The following ESRP2 variants were observed in gnomAD, a reference collection of about 807,000 sequenced individuals.
The protein encoded by ESRP2 is epithelial splicing regulatory protein 2, also known as RNA binding motif protein 35A.
A neutral mutation model predicts 78.6 loss-of-function variants in ESRP2; 48 were observed. The observed-to-expected ratio is 0.61, with a 90% CI of 0.48 to 0.78. ESRP2 has a LOEUF of 0.78. Ranked by LOEUF, ESRP2 falls within the 30% of genes least tolerant of loss-of-function variation. The pLI is 0.00. For synonymous variants in ESRP2, 383 were observed against 406.7 expected (o/e 0.94, Z 0.70); for missense variants, 863 against 965.9 (o/e 0.89, Z 1.41).
At position 68,231,167 on chromosome 16, in the gene ESRP2, A is replaced by C; in HGVS notation, c.1711+11T>G. Reference sequence around the variant, plus strand: ...CAGGCCTCCTCCTCCCCTAGCCCCTAGGGCACTCACAGGGCAGCTTGCAGG... The same window carrying C: ...CAGGCCTCCTCCTCCCCTAGCCCCTCGGGCACTCACAGGGCAGCTTGCAGG... On this transcript the variant is annotated intron_variant, in intron 12 of 14. Transcript: ENST00000473183. This position sits in a 1 kb window ranked among gnomAD's most constrained non-coding sequence, Gnocchi z 6.0. 2.5e-6 allele frequency: 4 copies of C among 1,612,822 alleles called. No individual in the cohort carries two copies. The highest frequency in any genetic ancestry group is 3.4e-6 in the Non-Finnish European group (4 of 1,179,818).
In ESRP2 at chr16:68,232,559, C is replaced by CCAGCCTGCCA; in HGVS notation, c.821+17_821+18insTGGCAGGCTG. The CCAGCCTGCCA allele has an allele frequency of 1.9e-6, 3 of 1,614,176 alleles. No homozygotes were observed. The African/African-American group carries it at 4.0e-5, about 22-fold the overall frequency. On this transcript the variant is annotated intron_variant, in intron 7 of 14. Transcript: ENST00000473183. The surrounding 1 kb of genome is among the most constrained non-coding windows in gnomAD (Gnocchi z 5.2). ...GGTAGGCCTGTCCAATTGGGCCCAC[C>CCAGCCTGCCA]CACCCTGCCACACCCACCTGGCCAC... is the stretch of plus-strand genomic sequence containing the variant.
rs760300022 is a variant in ESRP2 at position 68,231,212 on chromosome 16, G to T, written c.1677C>A (p.Arg559=). 6.2e-7 allele frequency: 1 copy of T among 1,613,610 alleles called. No individual in the cohort carries two copies. The change falls in exon 12 of 15, where the codon CGC becomes CGA. Residue 559 remains arginine (R), a synonymous_variant. Coordinates refer to ENST00000473183, the MANE Select transcript of ESRP2 (RefSeq NM_024939.3). This position sits in a 1 kb window ranked among gnomAD's most constrained non-coding sequence, Gnocchi z 6.0. ...SRVLMGGTLG[R]SGMSPPPCKL... ...TGCAGGGTGGAGGGGACATGCCACT[G>T]CGGCCCAAGGTGCCCCCCATCAGCA...
rs373317555 is a variant in ESRP2 at position 68,231,772 on chromosome 16, A to C, written c.1299+30T>G. 2.5e-6 allele frequency: 4 copies of C among 1,603,072 alleles called. No homozygotes were observed. The highest frequency in any genetic ancestry group is 2.6e-6 in the Non-Finnish European group (3 of 1,172,132). On this transcript the variant is annotated intron_variant, in intron 10 of 14. Coordinates refer to ENST00000473183, the MANE Select transcript of ESRP2 (RefSeq NM_024939.3). This position sits in a 1 kb window ranked among gnomAD's most constrained non-coding sequence, Gnocchi z 6.0. ...GAGGGCCGCCCTGGAGTAACAGTAC[A>C]TCTGGGGGTGGGGAGCCCTGGGCGC...
chr16:68,235,043 TC>T lies in ESRP2; in HGVS notation c.327+590del. ...ACAGCAATGGAAACCACCTCCCACTTCAGCTAGGGCAGGAGGCACCCCAGGC... is the reference window on the plus strand; with the variant it reads ...ACAGCAATGGAAACCACCTCCCACTTAGCTAGGGCAGGAGGCACCCCAGGC... On this transcript the variant is annotated intron_variant, in intron 2 of 14. Coordinates refer to ENST00000473183, the MANE Select transcript of ESRP2 (RefSeq NM_024939.3). The surrounding 1 kb of genome is among the most constrained non-coding windows in gnomAD (Gnocchi z 5.5). 1.2e-6 allele frequency: 1 copy of T among 823,682 alleles called. No individual in the cohort carries two copies. The highest frequency in any genetic ancestry group is 1.5e-6 in the Non-Finnish European group (1 of 682,322). 51.0% of individuals were successfully genotyped at this position (823,682 alleles called of 1,614,324 possible).
chr16:68,231,387 C>T lies in ESRP2; in HGVS notation c.1513-11G>A. 1 of 1,614,068 alleles carries T rather than the reference C, an allele frequency of 6.2e-7. No individual in the cohort carries two copies. The highest frequency in any genetic ancestry group is 1.1e-5 in the South Asian group (1 of 91,082). On this transcript the variant is annotated splice_polypyrimidine_tract_variant and intron_variant, in intron 11 of 14. Transcript: ENST00000473183. The surrounding 1 kb of genome is among the most constrained non-coding windows in gnomAD (Gnocchi z 6.0). ...GCCCGATGGCCGGCCCTGTGCACAC[C>T]ATCTTGTGAGCAGTTTGTCATGTGT... is the stretch of plus-strand genomic sequence containing the variant.
chr16:68,236,084 C>G lies in ESRP2; in HGVS notation c.-39G>C. 7.2e-7 allele frequency: 1 copy of G among 1,392,588 alleles called. No individual in the cohort carries two copies. The highest frequency in any genetic ancestry group is 1.6e-5 in the South Asian group (1 of 61,428). The allele number at this position is 1,392,588 out of a possible 1,614,324, so 86.3% of individuals were successfully genotyped here. A position where few individuals can be genotyped will look rare whatever the true frequency, so the allele number is the denominator to read the frequency against. On this transcript the variant is annotated 5_prime_UTR_variant, in exon 1 of 15. Coordinates refer to ENST00000473183, the MANE Select transcript of ESRP2 (RefSeq NM_024939.3). This position sits in a 1 kb window ranked among gnomAD's most constrained non-coding sequence, Gnocchi z 5.2. The stretch of plus-strand genomic sequence containing the variant: ...GGGGGCTCTCGGCCAGACACGCGGA[C>G]CGACGAGGCGCACGCACGCACCGAC...
intron 13 of ESRP2, 82 bp downstream of exon 13, chr16:68,230,759 T>G: frequency 6.4e-7 from 1 of 1,566,830 alleles, no homozygotes; most frequent in East Asian, 2.2e-5. Context: ...GGAGGAGTTA[T>G]CTGGTCCAGA....
In ESRP2 at chr16:68,232,657, A is replaced by G. The variant is rs753528613; in HGVS notation, c.741T>C (p.Thr247=). The change falls in exon 7 of 15, where the codon ACT becomes ACC. Residue 247 remains threonine, a synonymous_variant. Coordinates refer to ENST00000473183, the MANE Select transcript of ESRP2 (RefSeq NM_024939.3). This position sits in a 1 kb window ranked among gnomAD's most constrained non-coding sequence, Gnocchi z 5.2. ...CSKADVVDSE[T]VVRARGLPWQ... ...ACGGCAACCCACGAGCCCGTACCAC[A>G]GTCTCACTGTCCACCACATCAGCCT... The G allele has an allele frequency of 6.2e-7, 1 of 1,614,172 alleles. No individual in the cohort carries two copies. Among genetic ancestry groups the G allele is most frequent in the South Asian group, 1.1e-5 (1 of 91,078 alleles).
Position 68,235,082 on chromosome 16 carries a change from C to CA in ESRP2, c.327+551dup, listed in dbSNP as rs1945263445. The CA allele has an allele frequency of 2.0e-6, 2 of 980,772 alleles. No homozygotes were observed. Among genetic ancestry groups the CA allele is most frequent in the South Asian group, 9.4e-5 (2 of 21,382 alleles). The allele number at this position is 980,772 out of a possible 1,614,324, so 60.8% of individuals were successfully genotyped here. A position where few individuals can be genotyped will look rare whatever the true frequency, so the allele number is the denominator to read the frequency against. The stretch of plus-strand genomic sequence containing the variant: ...AGGCACCCCAGGCCTTTGCACTCAG[C>CA]AGGCAGATAGTCCCCCAGGCCAGGC... On this transcript the variant is annotated intron_variant, in intron 2 of 14. Transcript: ENST00000473183. The surrounding 1 kb of genome is among the most constrained non-coding windows in gnomAD (Gnocchi z 5.5).
chr16:68,234,365 C>CGT, intron 2 of ESRP2: 1 of 483,582 alleles, frequency 2.1e-6, no homozygotes, highest in Non-Finnish European at 3.7e-6. Flanking sequence ...CCTCAACACA[C>CGT]ACACTCCAGG....
Position 68,231,433 on chromosome 16 carries a change from A to C in ESRP2, c.1512+49T>G. On this transcript the variant is annotated intron_variant, in intron 11 of 14. Coordinates refer to ENST00000473183, the MANE Select transcript of ESRP2 (RefSeq NM_024939.3). This position sits in a 1 kb window ranked among gnomAD's most constrained non-coding sequence, Gnocchi z 6.0. ...TGTGTAAGAGTGCCTTACCCCTAAC[A>C]CACACCCCTTCCTATTTATGTGTTC... 2 of 1,613,650 alleles carry C rather than the reference A, an allele frequency of 1.2e-6. No homozygotes were observed. Among genetic ancestry groups the C allele is most frequent in the Non-Finnish European group, 1.7e-6 (2 of 1,179,768 alleles).
In ESRP2 at chr16:68,232,760, C is replaced by T; in HGVS notation, c.710+1G>A. The T allele has an allele frequency of 6.2e-7, 1 of 1,614,260 alleles. No individual in the cohort carries two copies. Among genetic ancestry groups the T allele is most frequent in the Non-Finnish European group, 8.5e-7 (1 of 1,180,038 alleles). On this transcript the variant is annotated splice_donor_variant, in intron 6 of 14. Coordinates refer to ENST00000473183, the MANE Select transcript of ESRP2 (RefSeq NM_024939.3). LOFTEE classifies it high-confidence loss of function. The surrounding 1 kb of genome is among the most constrained non-coding windows in gnomAD (Gnocchi z 5.2). The stretch of plus-strand genomic sequence containing the variant: ...CCCCCAGCCCCTGCTCCCACACTCA[C>T]CAAGGCCCCGTCTCGTATTTCTGCT...
At chr16:68,233,640 TAC>T in intron 4 of ESRP2, 126 bp downstream of exon 4, 1 of 774,984 alleles carries the variant, frequency 1.3e-6, no homozygotes, top group East Asian at 2.5e-5. Context: ...GAAGACACAG[TAC>T]ACTCAGGGAC....
At position 68,231,621 on chromosome 16, in the gene ESRP2, A is replaced by G; in HGVS notation, c.1373T>C (p.Leu458Pro). The change falls in exon 11 of 15, where the codon CTG becomes CCG. Residue 458 changes from leucine (L) to proline (P), a missense_variant. Leu to Pro is a moderately conservative substitution (Grantham distance 98, BLOSUM62 -3). Transcript: ENST00000473183. The surrounding 1 kb of genome is among the most constrained non-coding windows in gnomAD (Gnocchi z 6.0). The part of the protein sequence containing the change: ...TAPLLPIPFP[L>P]APGTGRDCVR... ...ACAGTCCCTCCCAGTCCCAGGTGCC[A>G]GTGGGAAGGGGATGGGCAGCAGTGG... is the stretch of plus-strand genomic sequence containing the variant. 6.2e-7 allele frequency: 1 copy of G among 1,613,976 alleles called. No homozygotes were observed. Among genetic ancestry groups the G allele is most frequent in the Non-Finnish European group, 8.5e-7 (1 of 1,179,946 alleles).
chr16:68,232,935 A>T lies in ESRP2; in HGVS notation c.656-120T>A. On this transcript the variant is annotated intron_variant, in intron 5 of 14. Coordinates refer to ENST00000473183, the MANE Select transcript of ESRP2 (RefSeq NM_024939.3). The surrounding 1 kb of genome is among the most constrained non-coding windows in gnomAD (Gnocchi z 5.2). The stretch of plus-strand genomic sequence containing the variant: ...AATGACAGGCCGAGCACAGTGGCTC[A>T]CGCCTATAATCCCAGCACTTTGGGA... 7.1e-7 allele frequency: 1 copy of T among 1,411,836 alleles called. No individual in the cohort carries two copies. Among genetic ancestry groups the T allele is most frequent in the Non-Finnish European group, 9.8e-7 (1 of 1,019,898 alleles). 87.5% of individuals were successfully genotyped at this position (1,411,836 alleles called of 1,614,324 possible). A position where few individuals can be genotyped will look rare whatever the true frequency, so the allele number is the denominator to read the frequency against.
At position 68,232,901 on chromosome 16, in the gene ESRP2, A is replaced by G; in HGVS notation, c.656-86T>C. The G allele has an allele frequency of 1.3e-6, 2 of 1,585,696 alleles. No homozygotes were observed. The highest frequency in any genetic ancestry group is 1.7e-6 in the Non-Finnish European group (2 of 1,158,236). Reference sequence around the variant, plus strand: ...TCTGCAAAAAGTGGACAATTGAGAGAGATGAAGAAATGACAGGCCGAGCAC... The same window carrying G: ...TCTGCAAAAAGTGGACAATTGAGAGGGATGAAGAAATGACAGGCCGAGCAC... On this transcript the variant is annotated intron_variant, in intron 5 of 14. Coordinates refer to ENST00000473183, the MANE Select transcript of ESRP2 (RefSeq NM_024939.3). The surrounding 1 kb of genome is among the most constrained non-coding windows in gnomAD (Gnocchi z 5.2).
Position 68,230,542 on chromosome 16 carries a change from GGAGACTGGGGGGCTAGGGTGGGA to G in ESRP2, c.1899-11_1910del, listed in dbSNP as rs1368146962. 8 of 1,571,546 alleles carry G rather than the reference GGAGACTGGGGGGCTAGGGTGGGA, an allele frequency of 5.1e-6. No individual in the cohort carries two copies. Among genetic ancestry groups the G allele is most frequent in the Admixed American group, 1.8e-5 (1 of 55,260 alleles). ...TAGTGAGGTAGCCCACAGTGGTGGG[GGAGACTGGGGGGCTAGGGTGGGA>G]GAGACAAGGTTTAGTCATGCATGCC... On this transcript the variant is annotated splice_acceptor_variant and splice_polypyrimidine_tract_variant and coding_sequence_variant and intron_variant, in exon 14 of 15. Coordinates refer to ENST00000473183, the MANE Select transcript of ESRP2 (RefSeq NM_024939.3). LOFTEE classifies it high-confidence loss of function.
chr16:68,231,814 G>A lies in ESRP2; in HGVS notation c.1287C>T (p.Ala429=), dbSNP rs766120739. 8.1e-6 allele frequency: 13 copies of A among 1,607,688 alleles called. No individual in the cohort carries two copies. The highest frequency in any genetic ancestry group is 5.5e-5 in the South Asian group (5 of 90,944). ...CCTGGGCGCTCACCTGCTGCACTTC[G>A]GCTGCAGTGCTCCGGAAGAGTTCAA... ...RYIELFRSTA[A]EVQQVLNRYA... Residue 429 remains alanine, a synonymous_variant, in exon 10 of 15, where the codon GCC becomes GCT. Coordinates refer to ENST00000473183, the MANE Select transcript of ESRP2 (RefSeq NM_024939.3). The surrounding 1 kb of genome is among the most constrained non-coding windows in gnomAD (Gnocchi z 6.0).
At position 68,232,915 on chromosome 16, in the gene ESRP2, C is replaced by G. The variant is rs937448998; in HGVS notation, c.656-100G>C. 3.3e-6 allele frequency: 5 copies of G among 1,537,934 alleles called. No homozygotes were observed. Among genetic ancestry groups the G allele is most frequent in the Non-Finnish European group, 3.6e-6 (4 of 1,121,150 alleles). On this transcript the variant is annotated intron_variant, in intron 5 of 14. Coordinates refer to ENST00000473183, the MANE Select transcript of ESRP2 (RefSeq NM_024939.3). The surrounding 1 kb of genome is among the most constrained non-coding windows in gnomAD (Gnocchi z 5.2). ...ACAATTGAGAGAGATGAAGAAATGA[C>G]AGGCCGAGCACAGTGGCTCACGCCT...
Sources: allele counts gnomAD v4.1 joint callset, GRCh38; gene constraint gnomAD v4.1.1; non-coding constraint Gnocchi (gnomAD v3.1); transcripts MANE v1.5; gene names NCBI Gene and HGNC (gene_info 2026-07-23, HGNC 2026-07-21).